KIF6: variants seen among roughly 807,000 people sequenced by gnomAD.
KIF6 encodes the protein kinesin-like protein KIF6.
KIF6 carries 106 observed loss-of-function variants against 112.7 expected under a neutral mutation model. The observed-to-expected ratio is 0.94, with a 90% CI of 0.80 to 1.11. The LOEUF (loss-of-function observed/expected upper bound fraction) is 1.11. Ranked by LOEUF, KIF6 falls within the 50% of genes least tolerant of loss-of-function variation. KIF6 has a pLI of 0.00. For synonymous variants in KIF6, 339 were observed against 339.9 expected (o/e 1.00, Z 0.03); for missense variants, 929 against 964.0 (o/e 0.96, Z 0.48).
At chr6:39,545,853 G>A (rs1281324722) in intron 10 of KIF6, among the ~76,000 whole-genome samples, 165 bp from the exon 11 acceptor site, 1 of 152,100 alleles carries the variant, frequency 6.6e-6, no homozygotes, top group Admixed American at 6.5e-5. Flanking sequence ...CATTGACAAA[G>A]TGAAATTTAT....
intron 13 of KIF6, among the ~76,000 whole-genome samples, chr6:39,507,167 G>T (rs1032790141): frequency 6.6e-6 from 1 of 152,150 alleles, no homozygotes; most frequent in Admixed American, 6.5e-5. Context: ...ACTGGCATCA[G>T]AAGTGGTGGC....
intron 13 of KIF6, among the ~76,000 whole-genome samples, chr6:39,489,903 T>C (rs1775367490): frequency 6.6e-6 from 1 of 152,212 alleles, no homozygotes; most frequent in Non-Finnish European, 1.5e-5. Context: ...AGAAATGAAC[T>C]ACTGACGGCA....
At chr6:39,390,656 G>C (rs1767806782) in intron 15 of KIF6, among the ~76,000 whole-genome samples, 1 of 152,160 alleles carries the variant, frequency 6.6e-6, no homozygotes, top group Non-Finnish European at 1.5e-5. Flanking sequence ...CTATTTGTCT[G>C]TTTGACTATA....
chr6:39,541,900 T>C (rs752940891), intron 12 of KIF6, among the ~76,000 whole-genome samples: 3 of 152,168 alleles, frequency 2.0e-5, no homozygotes, highest in Non-Finnish European at 4.4e-5. Context: ...TACAGTCCTG[T>C]GATCCCACTT....
chr6:39,434,451 A>G (rs1771383607), intron 13 of KIF6, among the ~76,000 whole-genome samples: 1 of 151,862 alleles, frequency 6.6e-6, no homozygotes. Flanking sequence ...CGCACCTGTA[A>G]TCCCAGCTAC....
chr6:39,639,677 G>A lies in KIF6; in HGVS notation c.332C>T (p.Ala111Val). 6.2e-7 allele frequency: 1 copy of A among 1,611,638 alleles called. No individual in the cohort carries two copies. The highest frequency in any genetic ancestry group is 8.5e-7 in the Non-Finnish European group (1 of 1,178,694). ...SGKTFTITGG[A>V]ERYSDRGIIP... is the part of the protein sequence containing the mutation. ...AATGCCTCTGTCACTGTAACGCTCTGCACCCCCTGTGATAGTGAATGTCTT... is the reference window on the plus strand; with the variant it reads ...AATGCCTCTGTCACTGTAACGCTCTACACCCCCTGTGATAGTGAATGTCTT... Residue 111 changes from alanine (A) to valine (V), a missense_variant, in exon 4 of 23, where the codon GCA becomes GTA. Ala to Val is a moderately conservative substitution (Grantham distance 64). Coordinates refer to ENST00000287152, the MANE Select transcript of KIF6 (RefSeq NM_145027.6).
intron 3 of KIF6, among the ~76,000 whole-genome samples, chr6:39,657,073 A>C (rs1785833753): frequency 6.6e-6 from 1 of 151,984 alleles, no homozygotes; most frequent in African/African-American, 2.4e-5. Context: ...TCTACTAAAA[A>C]TACAAAAAAA....
chr6:39,675,613 AT>A (rs35495943), intron 3 of KIF6, among the ~76,000 whole-genome samples: 134,659 of 152,024 alleles, frequency 0.89, 59,757 homozygotes, highest in East Asian at 0.97. Flanking sequence ...CAAGAACACA[AT>A]TCCACCATAA....
At chr6:39,429,162 T>A (rs1349023722) in intron 14 of KIF6, among the ~76,000 whole-genome samples, 1 of 152,272 alleles carries the variant, frequency 6.6e-6, no homozygotes, top group Non-Finnish European at 1.5e-5. Flanking sequence ...AAAGCCAGGA[T>A]GATAGTCTAG....
At chr6:39,434,531 A>G (rs1451363086) in intron 13 of KIF6, among the ~76,000 whole-genome samples, 1 of 152,154 alleles carries the variant, frequency 6.6e-6, no homozygotes, top group Non-Finnish European at 1.5e-5. Flanking sequence ...AGATAGCACC[A>G]TTGCACTTCA....
At chr6:39,338,183 A>G (rs1042393804) in intron 22 of KIF6, among the ~76,000 whole-genome samples, 1 of 152,270 alleles carries the variant, frequency 6.6e-6, no homozygotes, top group African/African-American at 2.4e-5. Flanking sequence ...AAAAAATTTC[A>G]GTGGACAGAG....
At chr6:39,513,883 A>G (rs1776919199) in intron 13 of KIF6, among the ~76,000 whole-genome samples, 1 of 152,206 alleles carries the variant, frequency 6.6e-6, no homozygotes, top group African/African-American at 2.4e-5. Context: ...ACACTAGAAA[A>G]TTTGAGCAAT....
At chr6:39,658,406 A>T (rs1785927309) in intron 3 of KIF6, among the ~76,000 whole-genome samples, 1 of 152,212 alleles carries the variant, frequency 6.6e-6, no homozygotes, top group African/African-American at 2.4e-5. Flanking sequence ...AAGTATAGAA[A>T]GCACCTATTT....
At chr6:39,418,201 T>C (rs1770072406) in intron 15 of KIF6, among the ~76,000 whole-genome samples, 1 of 152,186 alleles carries the variant, frequency 6.6e-6, no homozygotes, top group African/African-American at 2.4e-5. Context: ...CAAACATTCC[T>C]AACTCCCAGT....
intron 13 of KIF6, among the ~76,000 whole-genome samples, chr6:39,484,835 C>T (rs1473423668): frequency 6.6e-6 from 1 of 152,124 alleles, no homozygotes; most frequent in Non-Finnish European, 1.5e-5. Flanking sequence ...GCAGTGGAGC[C>T]ACTTAGATGG....
chr6:39,585,492 TA>T (rs1781576880), intron 8 of KIF6, among the ~76,000 whole-genome samples: 1 of 152,184 alleles, frequency 6.6e-6, no homozygotes, highest in Non-Finnish European at 1.5e-5. Flanking sequence ...TCTAGAACAT[TA>T]TTTTTTAACC....
chr6:39,656,291 C>T (rs928186303), intron 3 of KIF6, among the ~76,000 whole-genome samples: 5 of 152,124 alleles, frequency 3.3e-5, no homozygotes, highest in African/African-American at 7.2e-5. Flanking sequence ...GGGCCCATTT[C>T]GATTATGTGT....
chr6:39,397,789 ATGAG>A (rs1425257965), intron 15 of KIF6, among the ~76,000 whole-genome samples: 2 of 152,182 alleles, frequency 1.3e-5, no homozygotes, highest in Non-Finnish European at 2.9e-5. Context: ...AGCCAACAAA[ATGAG>A]TGAGCAGGGG....
intron 5 of KIF6, among the ~76,000 whole-genome samples, chr6:39,622,850 A>T (rs931616599): frequency 1.3e-5 from 2 of 152,204 alleles, no homozygotes; most frequent in African/African-American, 4.8e-5. Context: ...AAAGCTGCCC[A>T]CTAAGAATGG....
Sources: gnomAD v4.1 joint callset for allele counts (sites outside exome capture counted in the v4.1 genomes callset) on GRCh38, gnomAD v4.1.1 for gene constraint, MANE v1.5 for transcripts, NCBI Gene and HGNC (gene_info 2026-07-23, HGNC 2026-07-21) for gene names.